GPHN: variants seen among roughly 807,000 people sequenced by gnomAD.
The protein encoded by GPHN is gephyrin.
Under a neutral mutation model 95.5 loss-of-function variants are expected in GPHN, and 17 were observed. That is an observed-to-expected ratio of 0.18 (90% confidence interval 0.12 to 0.27). The LOEUF is 0.27. Among genes scored for constraint, GPHN ranks in the 10% least tolerant of loss-of-function variants. The probability of loss-of-function intolerance (pLI) is 1.00; values close to 1 mark genes in which losing one functional copy is unlikely to be tolerated. For synonymous variants in GPHN, 320 were observed against 322.5 expected (o/e 0.99, Z 0.08); for missense variants, 660 against 978.1 (o/e 0.67, Z 4.34).
At chr14:67,693,121 C>T in the GPHN span, 1 of 998,478 alleles carries the variant, frequency 1.0e-6, no homozygotes, top group African/African-American at 1.6e-5. Flanking sequence ...TCCTGCAACT[C>T]CCTGTGTCTT....
chr14:67,137,436 C>CG (rs2080157348), intron 17 of GPHN, among the ~76,000 whole-genome samples: 1 of 151,790 alleles, frequency 6.6e-6, no homozygotes, highest in Non-Finnish European at 1.5e-5. Flanking sequence ...TGAGCCACCA[C>CG]GCCTGGCTGA....
chr14:67,589,787 C>G, the GPHN span: 1 of 1,093,510 alleles, frequency 9.1e-7, no homozygotes, highest in Non-Finnish European at 1.1e-6. Flanking sequence ...ACATGCTTAG[C>G]AATTTCCGAA....
At chr14:66,783,261 C>G (rs1349961778) in intron 3 of GPHN, among the ~76,000 whole-genome samples, 7 of 152,152 alleles carry the variant, frequency 4.6e-5, no homozygotes, top group Admixed American at 3.9e-4. Flanking sequence ...TGGCATAGTT[C>G]TGAATCCCTC....
At chr14:67,208,120 C>T in the GPHN span, 2 of 1,552,570 alleles carry the variant, frequency 1.3e-6, no homozygotes, top group Non-Finnish European at 1.7e-6. Context: ...GAAATGGTGC[C>T]TGTATTCGAT....
intron 2 of GPHN, among the ~76,000 whole-genome samples, chr14:66,773,838 C>T (rs1595861307): frequency 6.6e-6 from 1 of 152,056 alleles, no homozygotes; most frequent in Non-Finnish European, 1.5e-5. Context: ...TCCAGAAGTG[C>T]TGGGATTATT....
chr14:66,978,371 G>T (rs571276401), intron 9 of GPHN, among the ~76,000 whole-genome samples: 1 of 152,226 alleles, frequency 6.6e-6, no homozygotes, highest in South Asian at 2.1e-4. Context: ...CTTCAAAATT[G>T]GAGTCAATCC....
chr14:66,629,110 T>C, intron 1 of GPHN, among the ~76,000 whole-genome samples: 1 of 137,900 alleles, frequency 7.3e-6, no homozygotes, highest in East Asian at 2.0e-4. Context: ...TATATTTATA[T>C]ACATATATAA....
At chr14:67,714,378 C>A in the GPHN span, among the ~76,000 whole-genome samples, 1 of 152,106 alleles carries the variant, frequency 6.6e-6, no homozygotes, top group Non-Finnish European at 1.5e-5. Context: ...CTCAATAAAT[C>A]CTCCTGCCTT....
chr14:66,651,291 C>G (rs745494120), intron 1 of GPHN, among the ~76,000 whole-genome samples: 1 of 152,136 alleles, frequency 6.6e-6, no homozygotes, highest in South Asian at 2.1e-4. Context: ...CAGGGGAGAA[C>G]AACAAGTGTG....
chr14:66,686,946 A>T (rs1276496914), intron 2 of GPHN, among the ~76,000 whole-genome samples: 1 of 152,100 alleles, frequency 6.6e-6, no homozygotes, highest in Non-Finnish European at 1.5e-5. Flanking sequence ...ATTTGTTGAG[A>T]GTTTTTAGCA....
At chr14:67,410,391 T>G in the GPHN span, among the ~76,000 whole-genome samples, 1 of 151,962 alleles carries the variant, frequency 6.6e-6, no homozygotes, top group Non-Finnish European at 1.5e-5. Flanking sequence ...GCTCTCACTC[T>G]CCCTCCCACC....
chr14:67,526,875 G>C, the GPHN span, among the ~76,000 whole-genome samples: 1 of 152,126 alleles, frequency 6.6e-6, no homozygotes, highest in Non-Finnish European at 1.5e-5. Flanking sequence ...AGAGGGGAGG[G>C]CAAAGAGAGC....
At chr14:67,395,632 G>A in the GPHN span, 1 of 1,563,740 alleles carries the variant, frequency 6.4e-7, no homozygotes, top group South Asian at 1.1e-5. Flanking sequence ...AGAGCAAGAG[G>A]ACGCCGGGCA....
the GPHN span, chr14:67,593,710 G>A: frequency 7.5e-7 from 1 of 1,331,140 alleles, no homozygotes; most frequent in Non-Finnish European, 1.1e-6. Context: ...CTCCTCCAGA[G>A]AGGCCTGTAA....
At chr14:67,179,439 A>T in intron 21 of GPHN, 139 bp from the exon 22 acceptor site, 1 of 672,198 alleles carries the variant, frequency 1.5e-6, no homozygotes. Context: ...AAAGAACATA[A>T]GGTGGTAGTG....
intron 3 of GPHN, among the ~76,000 whole-genome samples, chr14:66,809,757 A>C (rs112348658): frequency 6.6e-6 from 1 of 152,150 alleles, no homozygotes; most frequent in Non-Finnish European, 1.5e-5. Context: ...AACTGAGAGT[A>C]TGCTTTACTG....
At chr14:66,843,106 G>C (rs1259646227) in intron 4 of GPHN, among the ~76,000 whole-genome samples, 2 of 152,010 alleles carry the variant, frequency 1.3e-5, no homozygotes, top group African/African-American at 2.4e-5. Context: ...TTTCTCTACT[G>C]TTCTGTCTTC....
chr14:66,576,984 T>A (rs181212690), intron 1 of GPHN, among the ~76,000 whole-genome samples: 6 of 152,344 alleles, frequency 3.9e-5, no homozygotes, highest in Non-Finnish European at 2.9e-5. Context: ...TGTCATTTAC[T>A]TTTACTTTCC....
intron 1 of GPHN, among the ~76,000 whole-genome samples, chr14:66,674,988 G>T (rs532000108): frequency 1.2e-3 from 181 of 152,060 alleles, no homozygotes; most frequent in African/African-American, 4.0e-3. Flanking sequence ...TGTTATCTTT[G>T]ATCTTTTATA....
Sources: allele counts gnomAD v4.1 joint callset (sites outside exome capture counted in the v4.1 genomes callset), GRCh38; gene constraint gnomAD v4.1.1; transcripts MANE v1.5; gene names NCBI Gene and HGNC (gene_info 2026-07-23, HGNC 2026-07-21).